Variants in CRACD observed in about 807,000 individuals in gnomAD.
The protein encoded by CRACD is capping protein-inhibiting regulator of actin dynamics.
A neutral mutation model predicts 106.8 loss-of-function variants in CRACD; 56 were observed. That is an observed-to-expected ratio of 0.52 (90% CI 0.42 to 0.66). The LOEUF is 0.66. Among genes scored for constraint, CRACD ranks in the 30% least tolerant of loss-of-function variants. The pLI is 0.00. For missense variants in CRACD, 1,730 were observed against 1,623.2 expected (o/e 1.07, Z -1.13); for synonymous variants, 754 against 670.8 (o/e 1.12, Z -1.92).
Position 56,328,546 on chromosome 4 carries a change from A to C in CRACD, c.*742A>C, listed in dbSNP as rs6811616. 0.37 allele frequency: 141,438 copies of C among 386,424 alleles called. 27,414 individuals carry two copies. Among genetic ancestry groups the C allele is most frequent in the Non-Finnish European group, 0.42 (82,215 of 196,742 alleles). The allele number at this position is 386,424 out of a possible 1,614,324, so 23.9% of individuals were successfully genotyped here. On this transcript the variant is annotated 3_prime_UTR_variant, in exon 11 of 11. Transcript: ENST00000682029. ...TTAATTTAATGTAGTGAAGAAAGAC[A>C]ATTCTAGATCAGAGCTACAAGTTCA...
intron 1 of CRACD, among the ~76,000 whole-genome samples, chr4:56,054,081 A>G (rs1166133192): frequency 6.6e-6 from 1 of 152,186 alleles, no homozygotes; most frequent in African/African-American, 2.4e-5. Context: ...GCATCAGGAC[A>G]TGGCCCACTT....
chr4:56,289,541 T>A (rs1743582076), intron 3 of CRACD, among the ~76,000 whole-genome samples: 1 of 151,984 alleles, frequency 6.6e-6, no homozygotes, highest in African/African-American at 2.4e-5. Context: ...GGCACGGTGG[T>A]GCACGCCTGT....
intron 2 of CRACD, among the ~76,000 whole-genome samples, chr4:56,187,033 C>A (rs933633258): frequency 6.6e-6 from 1 of 151,528 alleles, no homozygotes; most frequent in African/African-American, 2.4e-5. Context: ...CATGCCACTG[C>A]ACTCCAGCCT....
intron 1 of CRACD, among the ~76,000 whole-genome samples, chr4:56,058,616 A>C (rs1264777112): frequency 6.6e-6 from 1 of 152,250 alleles, no homozygotes; most frequent in African/African-American, 2.4e-5. Context: ...TTTTGTGAGC[A>C]TAATGGTCTT....
At chr4:56,290,115 A>G (rs1330564392) in intron 3 of CRACD, among the ~76,000 whole-genome samples, 2 of 152,230 alleles carry the variant, frequency 1.3e-5, no homozygotes, top group Non-Finnish European at 2.9e-5. Flanking sequence ...GCAGCGCTCC[A>G]GGCCTCCAGG....
At chr4:56,307,439 A>G (rs1744803690) in intron 4 of CRACD, 96 bp from the exon 5 acceptor site, 2 of 1,155,306 alleles carry the variant, frequency 1.7e-6, no homozygotes, top group South Asian at 2.9e-5. Flanking sequence ...TGCACAAGGT[A>G]TGCCTCAGTG....
rs553183443 is a variant in CRACD at position 56,175,294 on chromosome 4, T to G, written c.-335-3990T>G. Among the ~76,000 whole-genome samples the G allele has an allele frequency of 2.6e-5, 4 of 152,338 alleles. No individual in the cohort carries two copies. The East Asian group carries it at 7.7e-4, about 29-fold the overall frequency. ...TACTAATTTACATTCCCACCAACAG[T>G]GTACAAACATTCTCCTTTCTCTGCA... is the stretch of plus-strand genomic sequence containing the variant. On this transcript the variant is annotated intron_variant, in intron 1 of 10. Coordinates refer to ENST00000682029, the MANE Select transcript of CRACD (RefSeq NM_001393381.1).
intron 1 of CRACD, among the ~76,000 whole-genome samples, chr4:56,163,468 C>T (rs1736029692): frequency 6.6e-6 from 1 of 151,964 alleles, no homozygotes; most frequent in Admixed American, 6.6e-5. Context: ...AGTAAATAAA[C>T]CAATCTATCC....
intron 2 of CRACD, among the ~76,000 whole-genome samples, chr4:56,254,565 G>A (rs1240887514): frequency 6.6e-6 from 1 of 152,062 alleles, no homozygotes. Flanking sequence ...TATTCAATAA[G>A]CAATCAAGCA....
intron 1 of CRACD, among the ~76,000 whole-genome samples, chr4:56,095,504 C>T (rs1325668280): frequency 2.0e-5 from 3 of 152,116 alleles, no homozygotes; most frequent in African/African-American, 7.2e-5. Flanking sequence ...TTGAAGAAAT[C>T]GAGGTGGTAG....
Position 56,324,132 on chromosome 4 carries a change from G to A in CRACD, c.3407G>A (p.Ser1136Asn), listed in dbSNP as rs1050197729. 8.7e-6 allele frequency: 14 copies of A among 1,613,412 alleles called. No homozygotes were observed. Among genetic ancestry groups the A allele is most frequent in the Non-Finnish European group, 1.2e-5 (14 of 1,179,652 alleles). ...NVSVSVQPGS[S>N]SVSRAGSLHK... ...AGTGTCAGCGTGCAGCCTGGAAGCA[G>A]CAGTGTCAGCAGAGCAGGTTCCCTG... The change falls in exon 10 of 11, where the codon AGC becomes AAC. Residue 1136 changes from serine to asparagine, a missense_variant. This residue lies in a region of CRACD where 89 missense variants were observed against 89.6 expected (regional missense o/e 0.99). Coordinates refer to ENST00000682029, the MANE Select transcript of CRACD (RefSeq NM_001393381.1).
chr4:56,273,529 A>G (rs1001874300), intron 3 of CRACD, among the ~76,000 whole-genome samples: 1 of 151,800 alleles, frequency 6.6e-6, no homozygotes, highest in Non-Finnish European at 1.5e-5. Flanking sequence ...GTACTTTCTT[A>G]CCTGAGTGCT....
At chr4:56,089,740 C>T (rs1016677008) in intron 1 of CRACD, among the ~76,000 whole-genome samples, 15 of 151,794 alleles carry the variant, frequency 9.9e-5, no homozygotes, top group African/African-American at 3.4e-4. Flanking sequence ...CTTGAACTCC[C>T]AACCTCAGGT....
chr4:56,225,741 C>A (rs984328798), intron 2 of CRACD, among the ~76,000 whole-genome samples: 82 of 152,148 alleles, frequency 5.4e-4, no homozygotes, highest in African/African-American at 1.8e-3. Flanking sequence ...ACAGGAATGA[C>A]CAGTTAGTGA....
At chr4:56,274,931 C>T (rs1349460759) in intron 3 of CRACD, among the ~76,000 whole-genome samples, 2 of 152,126 alleles carry the variant, frequency 1.3e-5, no homozygotes, top group Admixed American at 6.5e-5. Context: ...GCATATGCAC[C>T]ATGGAATACT....
intron 1 of CRACD, among the ~76,000 whole-genome samples, chr4:56,094,697 G>T (rs922902598): frequency 1.3e-5 from 2 of 152,182 alleles, no homozygotes; most frequent in Admixed American, 1.3e-4. Flanking sequence ...CAAGTGATCT[G>T]CCTGCCTTGG....
intron 2 of CRACD, among the ~76,000 whole-genome samples, chr4:56,261,007 T>G (rs1741669877): frequency 6.6e-6 from 1 of 152,162 alleles, no homozygotes; most frequent in Non-Finnish European, 1.5e-5. Flanking sequence ...GTTTTGTCCA[T>G]CAGTGTAGCC....
At chr4:56,227,567 CAA>C (rs1739371445) in intron 2 of CRACD, among the ~76,000 whole-genome samples, 16 of 152,210 alleles carry the variant, frequency 1.1e-4, no homozygotes, top group African/African-American at 3.9e-4. Context: ...AGAGATCGAC[CAA>C]CTTTTATAAA....
In CRACD at chr4:56,329,372, C is replaced by T. The variant is rs1169856195; in HGVS notation, c.*1568C>T. ...GTATCCATCATTACTTTCCTTTATG[C>T]TCGCTCAATATGCAATGTGCTGTTA... On this transcript the variant is annotated 3_prime_UTR_variant, in exon 11 of 11. Coordinates refer to ENST00000682029, the MANE Select transcript of CRACD (RefSeq NM_001393381.1). Among the ~76,000 whole-genome samples, 1 of 152,182 alleles carries T rather than the reference C, an allele frequency of 6.6e-6. No homozygotes were observed. The highest frequency in any genetic ancestry group is 2.4e-5 in the African/African-American group (1 of 41,434).
Sources: allele counts gnomAD v4.1 joint callset (sites outside exome capture counted in the v4.1 genomes callset), GRCh38; gene constraint gnomAD v4.1.1; regional missense constraint gnomAD v4.1.1; transcripts MANE v1.5; gene names NCBI Gene and HGNC (gene_info 2026-07-23, HGNC 2026-07-21).